The following METTL6 variants were observed in gnomAD, a reference collection of about 807,000 sequenced individuals.
METTL6 encodes methyltransferase 6, tRNA N3-cytidine, also known as tRNA N(3)-cytidine methyltransferase METTL6.
A neutral mutation model predicts 26.4 loss-of-function variants in METTL6; 22 were observed. The ratio of observed to expected loss-of-function variants is 0.83; its 90% confidence interval spans 0.59 to 1.19. The LOEUF is 1.19. Ranked by LOEUF, METTL6 falls within the 50% of genes most tolerant of loss-of-function variation. The probability of loss-of-function intolerance (pLI) is 0.00; values close to 1 mark genes in which losing one functional copy is unlikely to be tolerated. For synonymous variants in METTL6, 109 were observed against 116.2 expected (o/e 0.94, Z 0.40); for missense variants, 304 against 324.8 (o/e 0.94, Z 0.49).
chr3:15,387,747 G>A (rs574507228), intron 6 of METTL6, among the ~76,000 whole-genome samples: 2 of 152,216 alleles, frequency 1.3e-5, no homozygotes, highest in South Asian at 2.1e-4. Flanking sequence ...TACAATAAAC[G>A]ATTGCTAGGG....
chr3:15,382,094 A>T (rs7620975), exon 7 of METTL6: 3,216 of 148,736 alleles, frequency 0.022, 94 homozygotes, highest in African/African-American at 0.073. Flanking sequence ...TCTGCTGCCC[A>T]GGCTGGAGAA....
At chr3:15,404,406 G>A (rs879865069) in intron 6 of METTL6, among the ~76,000 whole-genome samples, 73 of 152,138 alleles carry the variant, frequency 4.8e-4, no homozygotes, top group South Asian at 1.7e-3. Flanking sequence ...ACAGTGATGC[G>A]ATCTAGGCTC....
At chr3:15,406,589 TATATA>T (rs1699793588), downstream of METTL6, among the ~76,000 whole-genome samples, 1 of 3,026 alleles carries the variant, frequency 3.3e-4, no homozygotes, top group African/African-American at 7.5e-4. Context: ...CAAACAGTTA[TATATA>T]TATATATATA....
downstream of METTL6, among the ~76,000 whole-genome samples, chr3:15,406,306 C>A (rs1338480730): frequency 2.6e-5 from 4 of 151,540 alleles, no homozygotes; most frequent in East Asian, 7.8e-4. Flanking sequence ...CGTGGGAGAA[C>A]CTGATCCTCT....
chr3:15,382,712 G>A (rs1559474698), exon 7 of METTL6: 1 of 150,560 alleles, frequency 6.6e-6, no homozygotes, highest in African/African-American at 2.4e-5. Context: ...ACCTAGTTAG[G>A]ATCCTTCTGG....
Position 15,415,797 on chromosome 3 carries a change from T to G in METTL6, c.506A>C (p.His169Pro), listed in dbSNP as rs368277918. The change falls in exon 4 of 6, where the codon CAC (histidine) becomes CCC (proline). Residue 169 changes from histidine (H) to proline (P), a missense_variant. By Grantham distance (77) the His-to-Pro change is moderately conservative. Transcript: ENST00000383790. ...CTTGTAAATGTTTTGTAAGACAAGG[T>G]GCATCTTATCAGGATGAACAGCTGA... The part of the protein sequence containing the change: ...VLSAVHPDKM[H>P]LVLQNIYKVL... 2.5e-6 allele frequency: 4 copies of G among 1,613,880 alleles called. No homozygotes were observed. Among genetic ancestry groups the G allele is most frequent in the Non-Finnish European group, 3.4e-6 (4 of 1,179,980 alleles).
chr3:15,421,714 A>G (rs1333247703), intron 3 of METTL6, among the ~76,000 whole-genome samples: 2 of 152,066 alleles, frequency 1.3e-5, no homozygotes, highest in East Asian at 3.9e-4. Flanking sequence ...GTTCAAGACC[A>G]GCCTGTCCAA....
At chr3:15,409,025 C>G (rs1427008873), downstream of METTL6, among the ~76,000 whole-genome samples, 1 of 152,146 alleles carries the variant, frequency 6.6e-6, no homozygotes, top group East Asian at 1.9e-4. Context: ...TGGATTCTCA[C>G]TGTGAGAAGG....
downstream of METTL6, among the ~76,000 whole-genome samples, chr3:15,406,642 A>AGG (rs1241915418): frequency 5.1e-5 from 7 of 137,638 alleles, no homozygotes; most frequent in African/African-American, 1.9e-4. Context: ...AGAGAGAGAG[A>AGG]GAGAGAGAGA....
downstream of METTL6, among the ~76,000 whole-genome samples, chr3:15,405,242 C>T (rs1306481172): frequency 6.6e-6 from 1 of 152,174 alleles, no homozygotes; most frequent in African/African-American, 2.4e-5. Context: ...CTTGCAGACG[C>T]CTTTCGAGCC....
chr3:15,389,040 G>C (rs1040159070), intron 6 of METTL6, among the ~76,000 whole-genome samples: 1 of 151,830 alleles, frequency 6.6e-6, no homozygotes, highest in African/African-American at 2.4e-5. Context: ...TTTTTTTATA[G>C]AGATGGAGTC....
chr3:15,401,708 A>G (rs1272692502), intron 6 of METTL6, among the ~76,000 whole-genome samples: 1 of 152,176 alleles, frequency 6.6e-6, no homozygotes, highest in Non-Finnish European at 1.5e-5. Context: ...ATTATAATGT[A>G]TTAGCATGGT....
At chr3:15,415,183 T>C (rs1004531390) in intron 4 of METTL6, among the ~76,000 whole-genome samples, 2 of 152,240 alleles carry the variant, frequency 1.3e-5, no homozygotes, top group Non-Finnish European at 2.9e-5. Flanking sequence ...TAATGACTGA[T>C]ACATGCCTAG....
chr3:15,386,722 C>T (rs1291829023), intron 6 of METTL6, among the ~76,000 whole-genome samples: 7 of 152,198 alleles, frequency 4.6e-5, no homozygotes, highest in South Asian at 2.1e-4. Flanking sequence ...TCTTAGTGAA[C>T]GTGCCTTAGT....
chr3:15,405,226 G>A (rs1049093434), downstream of METTL6, among the ~76,000 whole-genome samples: 4 of 152,180 alleles, frequency 2.6e-5, no homozygotes, highest in Non-Finnish European at 5.9e-5. Flanking sequence ...CCAGTGTCCT[G>A]GGGGCCTTGC....
At chr3:15,406,626 A>G (rs1699805057), downstream of METTL6, among the ~76,000 whole-genome samples, 1 of 99,730 alleles carries the variant, frequency 1.0e-5, no homozygotes, top group Non-Finnish European at 1.9e-5. Context: ...ATATATATAT[A>G]TATAGAGAGA....
chr3:15,397,068 G>A (rs1330978562), intron 6 of METTL6, among the ~76,000 whole-genome samples: 1 of 152,208 alleles, frequency 6.6e-6, no homozygotes, highest in African/African-American at 2.4e-5. Context: ...GTTTGGCTAT[G>A]CCCGCCCCCA....
At chr3:15,413,821 G>C (rs1329594820) in intron 5 of METTL6, 200 bp downstream of exon 5, 19 of 1,492,794 alleles carry the variant, frequency 1.3e-5, no homozygotes, top group Non-Finnish European at 1.6e-5. Flanking sequence ...TGACACCAGA[G>C]AAGGCTTGTG....
At chr3:15,388,337 C>G (rs552525518) in intron 6 of METTL6, among the ~76,000 whole-genome samples, 61 of 152,258 alleles carry the variant, frequency 4.0e-4, no homozygotes, top group African/African-American at 1.5e-3. Flanking sequence ...TCTCAAACTC[C>G]TGGCCTCAAG....
Sources: gnomAD v4.1 joint callset for allele counts (sites outside exome capture counted in the v4.1 genomes callset) on GRCh38, gnomAD v4.1.1 for gene constraint, MANE v1.5 for transcripts, NCBI Gene and HGNC (gene_info 2026-07-23, HGNC 2026-07-21) for gene names.